The following UBE2H variants were observed in gnomAD, a reference collection of about 807,000 sequenced individuals.
UBE2H encodes ubiquitin conjugating enzyme E2 H.
In UBE2H, 3 loss-of-function variants were observed where a neutral mutation model predicts 29.0. That is an observed-to-expected ratio of 0.10 (90% CI 0.05 to 0.27). The LOEUF (loss-of-function observed/expected upper bound fraction) is 0.27, where lower values mean the gene tolerates loss of function less well. Ranked by LOEUF, UBE2H falls within the 10% of genes least tolerant of loss-of-function variation. The pLI is 1.00. For synonymous variants in UBE2H, 69 were observed against 82.9 expected, an observed-to-expected ratio of 0.83 and a Z score of 0.91; for missense variants, 68 against 228.2, an observed-to-expected ratio of 0.30 and a Z score of 4.52.
intron 5 of UBE2H, among the ~76,000 whole-genome samples, chr7:129,856,734 T>C (rs1453347760): frequency 6.6e-6 from 1 of 152,196 alleles, no homozygotes; most frequent in East Asian, 1.9e-4. Context: ...CAGTTTGAAC[T>C]GCATGGGTCC....
chr7:129,844,293 AAC>A (rs899849378), intron 5 of UBE2H, among the ~76,000 whole-genome samples: 5 of 152,238 alleles, frequency 3.3e-5, no homozygotes, highest in African/African-American at 1.2e-4. Context: ...GCAAGTGGCT[AAC>A]ACAGTGATTA....
intron 1 of UBE2H, among the ~76,000 whole-genome samples, chr7:129,928,090 T>C (rs1807309103): frequency 6.6e-6 from 1 of 150,884 alleles, no homozygotes; most frequent in African/African-American, 2.4e-5. Context: ...CCCAATACTT[T>C]GGGAGGCTGA....
At chr7:129,924,043 T>G (rs1367221898) in intron 1 of UBE2H, among the ~76,000 whole-genome samples, 1 of 152,194 alleles carries the variant, frequency 6.6e-6, no homozygotes, top group Non-Finnish European at 1.5e-5. Flanking sequence ...AATTATTAGA[T>G]AAGCAGATTA....
chr7:129,834,815 C>T lies in UBE2H; in HGVS notation c.*122G>A, dbSNP rs1805292638. On this transcript the variant is annotated 3_prime_UTR_variant, in exon 7 of 7. Coordinates refer to ENST00000355621, the MANE Select transcript of UBE2H (RefSeq NM_003344.4). ...GATATATAATATATATATATCAATG[C>T]TATTATTCATAAAAACCTTGTTTAG... 6.4e-6 allele frequency: 7 copies of T among 1,088,140 alleles called. No homozygotes were observed. The highest frequency in any genetic ancestry group is 5.3e-5 in the East Asian group (2 of 37,914). 67.4% of individuals were successfully genotyped at this position (1,088,140 alleles called of 1,614,324 possible). A position where few individuals can be genotyped will look rare whatever the true frequency, so the allele number is the denominator to read the frequency against.
At chr7:129,890,434 C>T (rs561847845) in intron 1 of UBE2H, among the ~76,000 whole-genome samples, 5 of 151,940 alleles carry the variant, frequency 3.3e-5, no homozygotes, top group South Asian at 4.2e-4. Context: ...GGCTAGAATG[C>T]AATGGTGTGG....
intron 1 of UBE2H, among the ~76,000 whole-genome samples, chr7:129,898,769 A>G (rs747188359): frequency 1.3e-5 from 2 of 152,030 alleles, no homozygotes; most frequent in African/African-American, 2.4e-5. Flanking sequence ...AGCACCCTCA[A>G]TACAACCAAA....
At chr7:129,902,079 GA>G (rs1233437112) in intron 1 of UBE2H, among the ~76,000 whole-genome samples, 1 of 152,144 alleles carries the variant, frequency 6.6e-6, no homozygotes, top group Non-Finnish European at 1.5e-5. Flanking sequence ...TTTCAAAGTA[GA>G]TCTTTAAAAC....
intron 1 of UBE2H, among the ~76,000 whole-genome samples, chr7:129,918,842 G>T (rs1416915296): frequency 6.6e-6 from 1 of 152,140 alleles, no homozygotes; most frequent in Non-Finnish European, 1.5e-5. Flanking sequence ...CAGCACTTTG[G>T]GAGGTTGAGG....
chr7:129,951,235 A>G (rs983534748), intron 1 of UBE2H: 29 of 152,222 alleles, frequency 1.9e-4, no homozygotes, highest in African/African-American at 1.4e-4. Context: ...AAAACACTCA[A>G]TCAAAAACAG....
In UBE2H at chr7:129,881,692, T is replaced by C. The variant is rs117455560; in HGVS notation, c.54-721A>G. ...TACATGAAAAATAGGCGCTTAATTT[T>C]AGCTTTTCTCTCCCTTTCTACCCTC... On this transcript the variant is annotated intron_variant, in intron 1 of 6. Coordinates refer to ENST00000355621, the MANE Select transcript of UBE2H (RefSeq NM_003344.4). Among the ~76,000 whole-genome samples the C allele has an allele frequency of 6.0e-3, 918 of 152,184 alleles. 8 individuals are homozygous for C. Among genetic ancestry groups the C allele is most frequent in the Non-Finnish European group, 9.0e-3 (609 of 67,988 alleles).
chr7:129,906,204 T>C (rs1005035074), intron 1 of UBE2H, among the ~76,000 whole-genome samples: 4 of 148,074 alleles, frequency 2.7e-5, no homozygotes, highest in African/African-American at 7.6e-5. Flanking sequence ...AGCCATTTTT[T>C]TTTCTTTCTT....
At chr7:129,839,404 A>G in intron 5 of UBE2H, 69 bp from the exon 6 acceptor site, 1 of 1,600,222 alleles carries the variant, frequency 6.2e-7, no homozygotes, top group South Asian at 1.1e-5. Flanking sequence ...TGCATTCAGT[A>G]GTCAAGCTGC....
chr7:129,938,707 A>C (rs78980036), intron 1 of UBE2H, among the ~76,000 whole-genome samples: 1 of 129,010 alleles, frequency 7.8e-6, no homozygotes, highest in East Asian at 2.3e-4. Context: ...ACTTCGTCTC[A>C]AAAAAAAAAA....
chr7:129,934,760 T>TA (rs1426520963), intron 1 of UBE2H, among the ~76,000 whole-genome samples: 3 of 141,242 alleles, frequency 2.1e-5, no homozygotes, highest in Non-Finnish European at 3.1e-5. Flanking sequence ...AAAATATATA[T>TA]AAAAAAATAA....
At position 129,836,270 on chromosome 7, in the gene UBE2H, T is replaced by G. The variant is rs553715657; in HGVS notation, c.428-1209A>C. Among the ~76,000 whole-genome samples the G allele has an allele frequency of 7.2e-5, 11 of 152,380 alleles. No individual in the cohort carries two copies. The South Asian group carries it at 2.3e-3, about 32-fold the overall frequency. On this transcript the variant is annotated intron_variant, in intron 6 of 6. Transcript: ENST00000355621. ...TAGAAGATAAATATTGACCTTTTTT[T>G]GACACTAGAATTTGATACTATCAGC...
chr7:129,867,714 A>AG (rs1805936103), intron 3 of UBE2H, among the ~76,000 whole-genome samples: 4 of 88,992 alleles, frequency 4.5e-5, no homozygotes, highest in African/African-American at 4.9e-5. Context: ...AAAAAAAAAA[A>AG]AAAGAAAACC....
At chr7:129,912,458 C>G (rs1806956117) in intron 1 of UBE2H, among the ~76,000 whole-genome samples, 1 of 152,110 alleles carries the variant, frequency 6.6e-6, no homozygotes, top group African/African-American at 2.4e-5. Context: ...CTTGGCGATC[C>G]TCCCACCTCA....
intron 6 of UBE2H, among the ~76,000 whole-genome samples, chr7:129,835,329 G>A (rs998651569): frequency 3.3e-5 from 5 of 152,190 alleles, no homozygotes; most frequent in African/African-American, 9.7e-5. Flanking sequence ...TGTGTGTGCT[G>A]CAGCACCCCA....
rs10271802 is a variant in UBE2H at position 129,854,387 on chromosome 7, A to G, written c.298+3124T>C. Among the ~76,000 whole-genome samples, 263 of 152,322 alleles carry G rather than the reference A, an allele frequency of 1.7e-3. 1 individual carries two copies. The highest frequency in any genetic ancestry group is 6.1e-3 in the African/African-American group (253 of 41,582). On this transcript the variant is annotated intron_variant, in intron 5 of 6. Transcript: ENST00000355621. ...AAATAGTTTTGAGCAAAATGTCAAAACAATTCTCCCATGCTCAGTGTACTT... is the reference window on the plus strand; with the variant it reads ...AAATAGTTTTGAGCAAAATGTCAAAGCAATTCTCCCATGCTCAGTGTACTT...
Sources: gnomAD v4.1 joint callset for allele counts (sites outside exome capture counted in the v4.1 genomes callset) on GRCh38, gnomAD v4.1.1 for gene constraint, MANE v1.5 for transcripts, NCBI Gene and HGNC (gene_info 2026-07-23, HGNC 2026-07-21) for gene names.